SSBP3: variants seen among roughly 807,000 people sequenced by gnomAD.
SSBP3 encodes the protein single-stranded DNA-binding protein 3.
SSBP3 carries 5 observed loss-of-function variants against 69.6 expected under a neutral mutation model. The ratio of observed to expected loss-of-function variants is 0.07; its 90% confidence interval spans 0.04 to 0.15. SSBP3 has a LOEUF of 0.15. Among genes scored for constraint, SSBP3 ranks in the 10% least tolerant of loss-of-function variants. SSBP3 has a pLI of 1.00. For synonymous variants in SSBP3, 196 were observed against 193.4 expected (o/e 1.01, Z -0.11); for missense variants, 312 against 534.0 (o/e 0.58, Z 4.10).
In SSBP3 at chr1:54,330,243, C is replaced by A. The variant is rs545640864; in HGVS notation, c.277-48716G>T. Among the ~76,000 whole-genome samples the A allele has an allele frequency of 7.9e-5, 12 of 152,256 alleles. No individual in the cohort carries two copies. In the South Asian group the frequency reaches 2.3e-3, roughly 29 times the overall value. On this transcript the variant is annotated intron_variant, in intron 4 of 17. Transcript: ENST00000610401. ...AAACATCAATCAACGTGATTACCAC[C>A]AGCAAGGAGGGAGGACCAGCCCAAA...
intron 4 of SSBP3, among the ~76,000 whole-genome samples, chr1:54,327,548 C>T (rs1398077262): frequency 2.6e-5 from 4 of 152,114 alleles, no homozygotes; most frequent in African/African-American, 9.7e-5. Flanking sequence ...AATAAAGCAT[C>T]GCCCTGGATT....
chr1:54,388,096 C>A (rs1178228068), intron 4 of SSBP3, among the ~76,000 whole-genome samples: 6 of 152,174 alleles, frequency 3.9e-5, no homozygotes, highest in Non-Finnish European at 7.3e-5. Context: ...ATAGGTTTAT[C>A]TGCATTCATC....
At chr1:54,290,286 G>C (rs867037050) in intron 4 of SSBP3, among the ~76,000 whole-genome samples, 17 of 152,270 alleles carry the variant, frequency 1.1e-4, no homozygotes, top group South Asian at 2.1e-4. Context: ...TACCCTCTGT[G>C]GGGGGCATAG....
At chr1:54,375,841 C>T (rs1296134562) in intron 4 of SSBP3, among the ~76,000 whole-genome samples, 1 of 152,210 alleles carries the variant, frequency 6.6e-6, no homozygotes, top group African/African-American at 2.4e-5. Context: ...CGGTGGCAAA[C>T]CCTGCCTGCA....
intron 4 of SSBP3, among the ~76,000 whole-genome samples, chr1:54,378,632 C>T (rs1569990226): frequency 1.3e-5 from 2 of 152,268 alleles, no homozygotes; most frequent in South Asian, 2.1e-4. Flanking sequence ...GCTGGGACGG[C>T]GGTTTGGTTC....
intron 4 of SSBP3, among the ~76,000 whole-genome samples, chr1:54,361,385 CAGAT>C (rs1008578051): frequency 2.0e-5 from 3 of 152,066 alleles, no homozygotes; most frequent in Non-Finnish European, 4.4e-5. Context: ...GGAAATTAAA[CAGAT>C]AGAGGTTTAA....
chr1:54,401,575 A>G (rs1200417224), intron 4 of SSBP3, among the ~76,000 whole-genome samples: 3 of 152,186 alleles, frequency 2.0e-5, no homozygotes, highest in Non-Finnish European at 4.4e-5. Context: ...CACTCTTAAC[A>G]TAAGTCTCAC....
intron 9 of SSBP3, among the ~76,000 whole-genome samples, chr1:54,250,756 C>T (rs1014322970): frequency 2.0e-5 from 3 of 152,180 alleles, no homozygotes; most frequent in Non-Finnish European, 4.4e-5. Flanking sequence ...GGTGGAACAT[C>T]GCGAACGCTC....
intron 4 of SSBP3, among the ~76,000 whole-genome samples, chr1:54,301,109 T>G (rs1042165317): frequency 6.6e-6 from 1 of 152,122 alleles, no homozygotes; most frequent in Admixed American, 6.5e-5. Flanking sequence ...ACATCCCCAC[T>G]TGCTTGGGAA....
chr1:54,391,938 G>A (rs966899672), intron 4 of SSBP3, among the ~76,000 whole-genome samples: 4 of 152,082 alleles, frequency 2.6e-5, no homozygotes, highest in Admixed American at 6.6e-5. Flanking sequence ...CAGCCAGCAG[G>A]GACAGGCTGC....
chr1:54,295,263 C>T (rs1645685073), intron 4 of SSBP3, among the ~76,000 whole-genome samples: 1 of 152,200 alleles, frequency 6.6e-6, no homozygotes, highest in Non-Finnish European at 1.5e-5. Flanking sequence ...GGAATGGCTC[C>T]AGCCCCTAAC....
chr1:54,329,240 T>C (rs1015901885), intron 4 of SSBP3, among the ~76,000 whole-genome samples: 2 of 151,810 alleles, frequency 1.3e-5, no homozygotes, highest in Non-Finnish European at 1.5e-5. Flanking sequence ...TGAGGATGAA[T>C]GATATACTTT....
Position 54,251,779 on chromosome 1 carries a change from C to T in SSBP3, c.574+15G>A. ...GGCATCCCCAGCCACCCTAGGCCCACCCTGCCCTCTCTACCTTGTTGTCGT... is the reference window on the plus strand; with the variant it reads ...GGCATCCCCAGCCACCCTAGGCCCATCCTGCCCTCTCTACCTTGTTGTCGT... On this transcript the variant is annotated intron_variant, in intron 8 of 17. Coordinates refer to ENST00000610401, the Ensembl canonical transcript of SSBP3. The T allele has an allele frequency of 6.2e-7, 1 of 1,610,434 alleles. No individual in the cohort carries two copies. Among genetic ancestry groups the T allele is most frequent in the Non-Finnish European group, 8.5e-7 (1 of 1,178,990 alleles).
intron 5 of SSBP3, among the ~76,000 whole-genome samples, chr1:54,260,570 C>G (rs1008249473): frequency 2.0e-5 from 3 of 152,256 alleles, no homozygotes; most frequent in Non-Finnish European, 2.9e-5. Flanking sequence ...GCAGGTGTGC[C>G]TCCTCTGCGC....
chr1:54,305,565 T>C (rs984647297), intron 4 of SSBP3, among the ~76,000 whole-genome samples: 5 of 150,590 alleles, frequency 3.3e-5, no homozygotes, highest in Non-Finnish European at 7.4e-5. Flanking sequence ...AATTGGGAGC[T>C]ATGGAGAAGC....
intron 4 of SSBP3, among the ~76,000 whole-genome samples, chr1:54,316,701 TAAATAAATAAAA>T (rs1646119339): frequency 1.8e-5 from 2 of 111,876 alleles, no homozygotes; most frequent in South Asian, 5.5e-4. Flanking sequence ...AATAAATAAA[TAAATAAATAAAA>T]TAAAATAAAA....
At chr1:54,316,661 AAAATAAATAAATAAATAAATAAAT>A (rs201860772) in intron 4 of SSBP3, among the ~76,000 whole-genome samples, 2 of 61,026 alleles carry the variant, frequency 3.3e-5, no homozygotes, top group South Asian at 4.0e-4. Context: ...AAAAAAAAAT[AAAATAAATAAATAAATAAATAAAT>A]AAATAAATAA....
chr1:54,264,129 C>T (rs1225959046), intron 5 of SSBP3, among the ~76,000 whole-genome samples: 1 of 152,022 alleles, frequency 6.6e-6, no homozygotes, highest in Non-Finnish European at 1.5e-5. Context: ...GGCAAAACTC[C>T]GTCTCTACAA....
intron 7 of SSBP3, among the ~76,000 whole-genome samples, chr1:54,255,415 C>A (rs112580451): frequency 6.6e-6 from 1 of 152,188 alleles, no homozygotes; most frequent in East Asian, 1.9e-4. Flanking sequence ...CTGCTGCTGG[C>A]GCCCCTATGT....
Sources: gnomAD v4.1 joint callset for allele counts (sites outside exome capture counted in the v4.1 genomes callset) on GRCh38, gnomAD v4.1.1 for gene constraint, MANE v1.5 for transcripts, NCBI Gene and HGNC (gene_info 2026-07-23, HGNC 2026-07-21) for gene names.